NSD3: variants seen among roughly 807,000 people sequenced by gnomAD.
The protein encoded by NSD3 is nuclear receptor binding SET domain protein 3.
A neutral mutation model predicts 160.8 loss-of-function variants in NSD3; 24 were observed. The observed-to-expected ratio is 0.15, with a 90% CI of 0.11 to 0.21. The LOEUF (loss-of-function observed/expected upper bound fraction) is 0.21. NSD3 is among the 10% of genes least tolerant of loss of function. The probability of loss-of-function intolerance (pLI) is 1.00; values close to 1 mark genes in which losing one functional copy is unlikely to be tolerated. For missense variants in NSD3, 1,157 were observed against 1,735.9 expected, an observed-to-expected ratio of 0.67 and a Z score of 5.93; for synonymous variants, 520 against 600.0, an observed-to-expected ratio of 0.87 and a Z score of 1.95.
chr8:38,272,929 T>A lies in NSD3; in HGVS notation c.*2712A>T, dbSNP rs1184814965. 2 of 152,222 alleles carry A rather than the reference T, an allele frequency of 1.3e-5. No homozygotes were observed. The highest frequency in any genetic ancestry group is 2.9e-5 in the Non-Finnish European group (2 of 68,048). The allele number at this position is 152,222 out of a possible 1,614,324, so 9.4% of individuals were successfully genotyped here. ...TAAAAATATATCAAATAGGTCAACA[T>A]TGACGCTATGGAGGTGTGAGGAGAA... On this transcript the variant is annotated 3_prime_UTR_variant, in exon 24 of 24. Coordinates refer to ENST00000317025, the MANE Select transcript of NSD3 (RefSeq NM_023034.2).
chr8:38,360,414 A>G (rs1810934022), intron 1 of NSD3, among the ~76,000 whole-genome samples: 1 of 152,204 alleles, frequency 6.6e-6, no homozygotes, highest in Non-Finnish European at 1.5e-5. Context: ...TGAAAACTTG[A>G]GGATGTCAAA....
chr8:38,299,809 C>T (rs1809239540), intron 14 of NSD3: 1 of 380,234 alleles, frequency 2.6e-6, no homozygotes, highest in Non-Finnish European at 4.6e-6. Context: ...ATTATAGAAA[C>T]CTAAATTCTG....
chr8:38,348,662 C>T (rs1810593538), intron 1 of NSD3, among the ~76,000 whole-genome samples: 1 of 151,942 alleles, frequency 6.6e-6, no homozygotes. Context: ...AATGTTATTG[C>T]ATTTTTTCTT....
At chr8:38,314,343 C>G (rs551888638) in intron 12 of NSD3, among the ~76,000 whole-genome samples, 3 of 152,256 alleles carry the variant, frequency 2.0e-5, no homozygotes, top group Admixed American at 1.3e-4. Flanking sequence ...ATTTATTGAG[C>G]CCCCAAAATC....
intron 1 of NSD3, among the ~76,000 whole-genome samples, chr8:38,367,555 T>C (rs1364869578): frequency 6.6e-6 from 1 of 151,890 alleles, no homozygotes; most frequent in African/African-American, 2.4e-5. Context: ...CTACCAAAAA[T>C]ACAAAAATTA....
intron 1 of NSD3, among the ~76,000 whole-genome samples, chr8:38,372,977 G>T (rs1196854056): frequency 6.0e-5 from 9 of 149,884 alleles, no homozygotes; most frequent in African/African-American, 2.2e-4. Flanking sequence ...TTGAACCCGG[G>T]ACGCGGAGGT....
intron 19 of NSD3, among the ~76,000 whole-genome samples, chr8:38,282,306 C>T (rs1381476810): frequency 6.6e-6 from 1 of 152,220 alleles, no homozygotes; most frequent in Non-Finnish European, 1.5e-5. Flanking sequence ...AATCACACCC[C>T]TCCTCCACTC....
intron 1 of NSD3, among the ~76,000 whole-genome samples, chr8:38,361,632 G>A (rs1057215409): frequency 3.2e-4 from 49 of 151,770 alleles, no homozygotes; most frequent in Admixed American, 6.6e-4. Context: ...GCGTGCGCCT[G>A]TAGTCCCAGC....
At chr8:38,339,559 T>G (rs1810308481) in intron 2 of NSD3, among the ~76,000 whole-genome samples, 1 of 152,050 alleles carries the variant, frequency 6.6e-6, no homozygotes, top group Non-Finnish European at 1.5e-5. Flanking sequence ...ACCCCGTCTC[T>G]ACTAAAAACA....
chr8:38,293,910 G>A (rs1341805144), intron 16 of NSD3, among the ~76,000 whole-genome samples: 12 of 100,354 alleles, frequency 1.2e-4, no homozygotes, highest in African/African-American at 4.4e-4. Flanking sequence ...GTGACAGAGT[G>A]AGACTCCGTC....
intron 2 of NSD3, among the ~76,000 whole-genome samples, chr8:38,342,317 G>C (rs1810392537): frequency 6.6e-6 from 1 of 152,190 alleles, no homozygotes. Context: ...TTAAAATTAA[G>C]TAGGGACAGA....
At chr8:38,297,847 A>C (rs1809191664) in intron 15 of NSD3, among the ~76,000 whole-genome samples, 2 of 152,240 alleles carry the variant, frequency 1.3e-5, no homozygotes, top group South Asian at 4.1e-4. Context: ...GAAAGGAATG[A>C]CCAGCAGGGA....
intron 19 of NSD3, among the ~76,000 whole-genome samples, chr8:38,286,249 C>T (rs1563342559): frequency 6.6e-6 from 1 of 152,152 alleles, no homozygotes; most frequent in Non-Finnish European, 1.5e-5. Flanking sequence ...TGGCAAGGAA[C>T]TGTGGGCAGC....
At chr8:38,289,681 A>G (rs1263796595) in intron 17 of NSD3, among the ~76,000 whole-genome samples, 176 bp from the exon 18 acceptor site, 1 of 152,230 alleles carries the variant, frequency 6.6e-6, no homozygotes, top group Non-Finnish European at 1.5e-5. Flanking sequence ...GAAATAGGAT[A>G]TAACTCACTG....
chr8:38,337,199 G>A (rs1319136426), intron 4 of NSD3, 106 bp downstream of exon 4: 12 of 948,914 alleles, frequency 1.3e-5, no homozygotes, highest in Non-Finnish European at 1.7e-5. Flanking sequence ...GCACATTTTT[G>A]TATCAGATTA....
intron 1 of NSD3, among the ~76,000 whole-genome samples, chr8:38,366,210 G>C (rs1196394830): frequency 1.3e-5 from 2 of 151,130 alleles, no homozygotes; most frequent in Non-Finnish European, 2.9e-5. Context: ...TAATTGCACT[G>C]ATTAAAAGAC....
At chr8:38,360,766 T>A (rs993619399) in intron 1 of NSD3, among the ~76,000 whole-genome samples, 5 of 152,104 alleles carry the variant, frequency 3.3e-5, no homozygotes, top group Non-Finnish European at 5.9e-5. Flanking sequence ...AAAAAAAAAA[T>A]TTGGGAAAAA....
chr8:38,379,783 A>G lies in NSD3; in HGVS notation c.-45+2016T>C, dbSNP rs188780580. Among the ~76,000 whole-genome samples the G allele has an allele frequency of 1.3e-3, 198 of 152,342 alleles. 1 individual carries two copies. Among genetic ancestry groups the G allele is most frequent in the African/African-American group, 4.4e-3 (182 of 41,584 alleles). Reference sequence around the variant, plus strand: ...CTTCTTGGTATTAGAGAACAGTTTCAATATCAATGTGATAGGTTAAAGTTT... The same window carrying G: ...CTTCTTGGTATTAGAGAACAGTTTCGATATCAATGTGATAGGTTAAAGTTT... On this transcript the variant is annotated intron_variant, in intron 1 of 23. Transcript: ENST00000317025.
intron 19 of NSD3, among the ~76,000 whole-genome samples, chr8:38,285,813 G>A (rs1808841709): frequency 6.6e-6 from 1 of 152,156 alleles, no homozygotes; most frequent in South Asian, 2.1e-4. Flanking sequence ...AATCCTGTTG[G>A]CTCTACCTTC....
Sources: allele counts gnomAD v4.1 joint callset (sites outside exome capture counted in the v4.1 genomes callset), GRCh38; gene constraint gnomAD v4.1.1; transcripts MANE v1.5; gene names NCBI Gene and HGNC (gene_info 2026-07-23, HGNC 2026-07-21).